DLGAP2: variants seen among roughly 807,000 people sequenced by gnomAD.
DLGAP2 encodes the protein DLG associated protein 2.
Under a neutral mutation model 100.3 loss-of-function variants are expected in DLGAP2, and 26 were observed. The ratio of observed to expected loss-of-function variants is 0.26; its 90% CI spans 0.19 to 0.36. DLGAP2 has a LOEUF of 0.36. Ranked by LOEUF, DLGAP2 falls within the 10% of genes least tolerant of loss-of-function variation. DLGAP2 has a pLI of 1.00. For synonymous variants in DLGAP2, 886 were observed against 630.1 expected, an observed-to-expected ratio of 1.41 and a Z score of -6.08; for missense variants, 1,858 against 1,453.2, an observed-to-expected ratio of 1.28 and a Z score of -4.53.
At chr8:1,152,404 A>G (rs768078224) in intron 2 of DLGAP2, among the ~76,000 whole-genome samples, 8 of 152,262 alleles carry the variant, frequency 5.3e-5, no homozygotes, top group Admixed American at 1.3e-4. Context: ...ATGCAATGAC[A>G]CTAAGTATTT....
intron 4 of DLGAP2, among the ~76,000 whole-genome samples, chr8:1,524,627 A>G (rs1800726868): frequency 6.6e-6 from 1 of 151,984 alleles, no homozygotes; most frequent in Admixed American, 6.6e-5. Flanking sequence ...TTGTGTCCCC[A>G]TATCATCTTC....
intron 1 of DLGAP2, among the ~76,000 whole-genome samples, chr8:823,447 G>T (rs1400482428): frequency 6.6e-6 from 1 of 152,120 alleles, no homozygotes; most frequent in African/African-American, 2.4e-5. Context: ...TTTGTACTGT[G>T]AATTAGTTAG....
chr8:857,129 C>A (rs959045662), intron 1 of DLGAP2, among the ~76,000 whole-genome samples: 1 of 152,212 alleles, frequency 6.6e-6, no homozygotes, highest in Non-Finnish European at 1.5e-5. Context: ...AGAGGATGCT[C>A]TTATCAACAG....
At chr8:1,127,979 G>A (rs1796205890) in intron 2 of DLGAP2, among the ~76,000 whole-genome samples, 1 of 152,220 alleles carries the variant, frequency 6.6e-6, no homozygotes, top group African/African-American at 2.4e-5. Flanking sequence ...CAATTTAAAT[G>A]TAAAACAAAG....
intron 2 of DLGAP2, among the ~76,000 whole-genome samples, chr8:1,112,793 G>T (rs943706680): frequency 1.7e-4 from 26 of 152,028 alleles, no homozygotes; most frequent in African/African-American, 6.0e-4. Context: ...GCTCATTCAG[G>T]ATGATATTGC....
chr8:1,521,948 G>C (rs1312596710), intron 4 of DLGAP2, among the ~76,000 whole-genome samples: 4 of 137,686 alleles, frequency 2.9e-5, no homozygotes, highest in African/African-American at 1.1e-4. Flanking sequence ...GTTTTAATTT[G>C]GAATACTCGG....
At chr8:1,012,641 C>G (rs1312659839) in intron 2 of DLGAP2, among the ~76,000 whole-genome samples, 65 of 129,690 alleles carry the variant, frequency 5.0e-4, no homozygotes, top group African/African-American at 1.8e-3. Context: ...GTGTGGACAC[C>G]GTCCGACCAG....
In DLGAP2 at chr8:1,260,756, A is replaced by G. The variant is rs145141855; in HGVS notation, c.106+1873A>G. On this transcript the variant is annotated intron_variant, in intron 3 of 14. Transcript: ENST00000637795. ...ATTGGATGATTTCTGGGGACATTCT[A>G]GGTCATGGGATTGACTCTAGAGGGG... Among the ~76,000 whole-genome samples, 7 of 152,332 alleles carry G rather than the reference A, an allele frequency of 4.6e-5. No homozygotes were observed. In the East Asian group the frequency reaches 1.4e-3, roughly 29 times the overall value.
intron 2 of DLGAP2, among the ~76,000 whole-genome samples, chr8:1,241,577 G>A (rs1261022052): frequency 2.6e-5 from 4 of 152,202 alleles, no homozygotes; most frequent in African/African-American, 9.7e-5. Flanking sequence ...GTTCTCTCCT[G>A]GGTGGAGCCA....
intron 1 of DLGAP2, among the ~76,000 whole-genome samples, chr8:821,668 G>A (rs921700942): frequency 2.0e-5 from 3 of 152,128 alleles, no homozygotes; most frequent in Non-Finnish European, 4.4e-5. Context: ...AATCTGTTTG[G>A]TTCTTTGCAG....
intron 5 of DLGAP2, among the ~76,000 whole-genome samples, chr8:1,549,952 G>C (rs1200269981): frequency 6.6e-6 from 1 of 152,180 alleles, no homozygotes; most frequent in African/African-American, 2.4e-5. Flanking sequence ...CAGTTACCGT[G>C]CTGGCCAACA....
At chr8:1,566,619 G>C (rs538802799) in intron 6 of DLGAP2, among the ~76,000 whole-genome samples, 5 of 152,310 alleles carry the variant, frequency 3.3e-5, no homozygotes, top group African/African-American at 1.2e-4. Flanking sequence ...AGGCAGGGCG[G>C]AACTGCTTCT....
At chr8:871,617 G>C (rs540958259) in intron 1 of DLGAP2, among the ~76,000 whole-genome samples, 1 of 152,246 alleles carries the variant, frequency 6.6e-6, no homozygotes, top group East Asian at 1.9e-4. Flanking sequence ...ATGCTCAATG[G>C]AACTGCTCAT....
chr8:1,179,656 T>C (rs972226618), intron 2 of DLGAP2, among the ~76,000 whole-genome samples: 3 of 152,244 alleles, frequency 2.0e-5, no homozygotes, highest in Non-Finnish European at 4.4e-5. Context: ...TGTATTGCAA[T>C]CCTAATTTGT....
chr8:1,544,892 C>T (rs1378827003), intron 4 of DLGAP2, among the ~76,000 whole-genome samples: 1 of 151,964 alleles, frequency 6.6e-6, no homozygotes, highest in South Asian at 2.1e-4. Context: ...GCCACCATGC[C>T]CAGCTTATGT....
chr8:1,284,805 C>T (rs1288422070), intron 3 of DLGAP2, among the ~76,000 whole-genome samples: 1 of 152,146 alleles, frequency 6.6e-6, no homozygotes, highest in Non-Finnish European at 1.5e-5. Context: ...GAGATGAGGT[C>T]TCACTGTGTT....
intron 3 of DLGAP2, among the ~76,000 whole-genome samples, chr8:1,358,374 G>A (rs1801903383): frequency 6.6e-6 from 1 of 152,146 alleles, no homozygotes; most frequent in African/African-American, 2.4e-5. Flanking sequence ...CAACTCAAGA[G>A]ATCTGGTGTG....
chr8:1,267,634 T>TAAAATAAAATA (rs369065157), intron 3 of DLGAP2, among the ~76,000 whole-genome samples: 2 of 19,216 alleles, frequency 1.0e-4, no homozygotes, highest in Admixed American at 3.6e-4. Context: ...AAATATTAAA[T>TAAAATAAAATA]AGGTCTACAA....
chr8:1,026,948 T>A (rs1455051869), intron 2 of DLGAP2, among the ~76,000 whole-genome samples: 1 of 152,268 alleles, frequency 6.6e-6, no homozygotes, highest in East Asian at 1.9e-4. Context: ...ATGCCTGTTC[T>A]ATAAATTTTT....
Sources: allele counts gnomAD v4.1 joint callset (sites outside exome capture counted in the v4.1 genomes callset), GRCh38; gene constraint gnomAD v4.1.1; transcripts MANE v1.5; gene names NCBI Gene and HGNC (gene_info 2026-07-23, HGNC 2026-07-21).